Variants in NELL1 observed in about 807,000 individuals in gnomAD.
NELL1 encodes the protein neural EGFL like 1.
Under a neutral mutation model 107.4 loss-of-function variants are expected in NELL1, and 76 were observed. The ratio of observed to expected loss-of-function variants is 0.71; its 90% CI spans 0.59 to 0.86. The LOEUF (loss-of-function observed/expected upper bound fraction) is 0.86. Ranked by LOEUF, NELL1 falls within the 40% of genes least tolerant of loss-of-function variation. The probability of loss-of-function intolerance (pLI) is 0.00; values close to 1 mark genes in which losing one functional copy is unlikely to be tolerated. For synonymous variants in NELL1, 353 were observed against 341.2 expected (o/e 1.03, Z -0.38); for missense variants, 1,024 against 1,005.5 (o/e 1.02, Z -0.25).
intron 17 of NELL1, 78 bp downstream of exon 17, chr11:21,560,460 T>C: frequency 7.8e-7 from 1 of 1,274,234 alleles, no homozygotes; most frequent in Non-Finnish European, 1.1e-6. Context: ...CCCAGCTCTC[T>C]CCCTCTTGCT....
chr11:20,902,464 T>C (rs1849897138), intron 5 of NELL1, among the ~76,000 whole-genome samples: 1 of 152,206 alleles, frequency 6.6e-6, no homozygotes, highest in Admixed American at 6.6e-5. Flanking sequence ...TGAAAAACCA[T>C]CTGACAATGC....
In NELL1 at chr11:21,559,812, C is replaced by T. The variant is rs1349438135; in HGVS notation, c.1787-377C>T. Among the ~76,000 whole-genome samples, 5 of 151,978 alleles carry T rather than the reference C, an allele frequency of 3.3e-5. No individual in the cohort carries two copies. In the South Asian group the frequency reaches 8.3e-4, roughly 25 times the overall value. ...GTTAATGAATTAACAGTGTTTATGG[C>T]CTCTGGATGAAATCGTTCTTAAGAA... On this transcript the variant is annotated intron_variant, in intron 16 of 19. Coordinates refer to ENST00000357134, the MANE Select transcript of NELL1 (RefSeq NM_006157.5).
chr11:21,202,887 G>A (rs1857302238), intron 13 of NELL1, among the ~76,000 whole-genome samples: 1 of 151,896 alleles, frequency 6.6e-6, no homozygotes, highest in Non-Finnish European at 1.5e-5. Context: ...TATTTACCCA[G>A]TAGTCATTCG....
chr11:20,706,135 A>G (rs1277026059), intron 2 of NELL1, among the ~76,000 whole-genome samples: 1 of 152,190 alleles, frequency 6.6e-6, no homozygotes, highest in Non-Finnish European at 1.5e-5. Flanking sequence ...AGAACTAGAA[A>G]TACCGTTTGA....
chr11:20,857,369 T>A (rs1432750257), intron 4 of NELL1, among the ~76,000 whole-genome samples: 1 of 152,204 alleles, frequency 6.6e-6, no homozygotes, highest in East Asian at 1.9e-4. Flanking sequence ...AACCTCAGCA[T>A]GGGCTGCAAC....
chr11:20,734,126 A>G (rs928580041), intron 2 of NELL1, among the ~76,000 whole-genome samples: 5 of 152,154 alleles, frequency 3.3e-5, no homozygotes, highest in African/African-American at 1.2e-4. Flanking sequence ...ATGAAACAGC[A>G]AGTATGAAGG....
At chr11:20,744,743 A>G (rs1465429081) in intron 2 of NELL1, among the ~76,000 whole-genome samples, 1 of 152,190 alleles carries the variant, frequency 6.6e-6, no homozygotes, top group Non-Finnish European at 1.5e-5. Context: ...TGGCCAAAGT[A>G]AATTCATACG....
chr11:21,107,601 G>T (rs549768786), intron 12 of NELL1, among the ~76,000 whole-genome samples: 2 of 152,202 alleles, frequency 1.3e-5, no homozygotes, highest in South Asian at 2.1e-4. Context: ...TAGTGTGGGG[G>T]CTCGGGTCAT....
intron 3 of NELL1, among the ~76,000 whole-genome samples, chr11:20,817,410 C>T (rs754263038): frequency 6.6e-6 from 1 of 152,166 alleles, no homozygotes; most frequent in South Asian, 2.1e-4. Flanking sequence ...TCTAGATTTT[C>T]GAGTTCGTGT....
chr11:21,336,649 G>GTATATA (rs1171839311), intron 14 of NELL1, among the ~76,000 whole-genome samples: 1 of 111,446 alleles, frequency 9.0e-6, no homozygotes, highest in African/African-American at 3.3e-5. Flanking sequence ...TCATATGTGT[G>GTATATA]TGTATATATA....
At chr11:20,876,799 C>T (rs1269007540) in intron 4 of NELL1, among the ~76,000 whole-genome samples, 2 of 151,896 alleles carry the variant, frequency 1.3e-5, no homozygotes, top group Non-Finnish European at 2.9e-5. Context: ...AACAAAAAAC[C>T]CAGATAGCTC....
At chr11:21,358,650 C>T (rs898032509) in intron 14 of NELL1, among the ~76,000 whole-genome samples, 8 of 147,144 alleles carry the variant, frequency 5.4e-5, no homozygotes, top group Non-Finnish European at 1.2e-4. Flanking sequence ...CTCCTGACCT[C>T]GGGTGATCCG....
chr11:21,414,249 G>T (rs536403068), intron 15 of NELL1, among the ~76,000 whole-genome samples: 1 of 152,110 alleles, frequency 6.6e-6, no homozygotes, highest in African/African-American at 2.4e-5. Flanking sequence ...GAGAGGGTGG[G>T]TCAAGAAAGA....
At chr11:21,572,238 A>G (rs753004271) in intron 18 of NELL1, among the ~76,000 whole-genome samples, 29 of 151,512 alleles carry the variant, frequency 1.9e-4, no homozygotes, top group Admixed American at 4.6e-4. Context: ...CATAGATAGA[A>G]TTTCAAAAGT....
At chr11:20,907,356 C>A (rs1469879661) in intron 5 of NELL1, among the ~76,000 whole-genome samples, 1 of 151,284 alleles carries the variant, frequency 6.6e-6, no homozygotes, top group African/African-American at 2.4e-5. Flanking sequence ...CCAGAGTATA[C>A]AAAGTACTCC....
intron 12 of NELL1, among the ~76,000 whole-genome samples, chr11:21,022,333 A>G (rs184169459): frequency 1.3e-5 from 2 of 152,206 alleles, no homozygotes; most frequent in Non-Finnish European, 2.9e-5. Flanking sequence ...TTTCACTTTC[A>G]AACTCTACTG....
At position 20,958,198 on chromosome 11, in the gene NELL1, G is replaced by A. The variant is rs539948317; in HGVS notation, c.1172-2234G>A. Among the ~76,000 whole-genome samples, 7 of 152,168 alleles carry A rather than the reference G, an allele frequency of 4.6e-5. No homozygotes were observed. In the East Asian group the frequency reaches 7.7e-4, roughly 17 times the overall value. ...TTTGGGAGGCCGAGGTGGGGAAATC[G>A]CTTGAGCCTAGGAGTTTGAGACAAG... is the stretch of plus-strand genomic sequence containing the variant. On this transcript the variant is annotated intron_variant, in intron 11 of 19. Coordinates refer to ENST00000357134, the MANE Select transcript of NELL1 (RefSeq NM_006157.5).
At chr11:20,829,276 G>T (rs1030796180) in intron 3 of NELL1, among the ~76,000 whole-genome samples, 2 of 136,566 alleles carry the variant, frequency 1.5e-5, no homozygotes, top group African/African-American at 2.8e-5. Context: ...GCCCACGCTA[G>T]AGTGCAGTGG....
chr11:21,180,782 A>G (rs910508399), intron 13 of NELL1, among the ~76,000 whole-genome samples: 1 of 151,578 alleles, frequency 6.6e-6, no homozygotes, highest in African/African-American at 2.4e-5. Context: ...TGGTCAGGTC[A>G]TGTAGAAGCA....
Sources: allele counts gnomAD v4.1 joint callset (sites outside exome capture counted in the v4.1 genomes callset), GRCh38; gene constraint gnomAD v4.1.1; transcripts MANE v1.5; gene names NCBI Gene and HGNC (gene_info 2026-07-23, HGNC 2026-07-21).